Variants in PCMTD1 observed in about 807,000 individuals in gnomAD.
The protein encoded by PCMTD1 is protein-L-isoaspartate O-methyltransferase domain-containing protein 1.
A neutral mutation model predicts 37.6 loss-of-function variants in PCMTD1; 12 were observed. The ratio of observed to expected loss-of-function variants is 0.32; its 90% confidence interval spans 0.20 to 0.52. The LOEUF (loss-of-function observed/expected upper bound fraction) is 0.52. Among genes scored for constraint, PCMTD1 ranks in the 20% least tolerant of loss-of-function variants. The probability of loss-of-function intolerance (pLI) is 0.97; values close to 1 mark genes in which losing one functional copy is unlikely to be tolerated. For missense variants in PCMTD1, 235 were observed against 421.3 expected, an observed-to-expected ratio of 0.56 and a Z score of 3.87; for synonymous variants, 117 against 135.8, an observed-to-expected ratio of 0.86 and a Z score of 0.96.
Position 51,819,664 on chromosome 8 carries a change from CTT to C in PCMTD1, c.*685_*686del, listed in dbSNP as rs1344335325. On this transcript the variant is annotated 3_prime_UTR_variant, in exon 6 of 6. Coordinates refer to ENST00000522514, the MANE Select transcript of PCMTD1 (RefSeq NM_052937.4). The stretch of plus-strand genomic sequence containing the variant: ...TATAAAGAGTTGTATTAAGTATAGA[CTT>C]TGTTTTAATAATTCACTTGCTGTGC... The C allele has an allele frequency of 1.3e-5, 2 of 152,534 alleles. No homozygotes were observed. The highest frequency in any genetic ancestry group is 2.4e-5 in the African/African-American group (1 of 41,406). The allele number at this position is 152,534 out of a possible 1,614,324, so 9.4% of individuals were successfully genotyped here. A position where few individuals can be genotyped will look rare whatever the true frequency, so the allele number is the denominator to read the frequency against.
At position 51,898,944 on chromosome 8, in the gene PCMTD1, G is replaced by A; in HGVS notation, c.-110C>T. ...GGCGGCGTTACCTGTGGCGCGGGCA[G>A]CGGCGCGCAGGCCAGGCGCTAGGAC... On this transcript the variant is annotated 5_prime_UTR_variant, in exon 1 of 6. Coordinates refer to ENST00000522514, the MANE Select transcript of PCMTD1 (RefSeq NM_052937.4). 12 of 1,412,594 alleles carry A rather than the reference G, an allele frequency of 8.5e-6. No individual in the cohort carries two copies. Among genetic ancestry groups the A allele is most frequent in the Non-Finnish European group, 1.1e-5 (12 of 1,084,292 alleles). The allele number at this position is 1,412,594 out of a possible 1,614,324, so 87.5% of individuals were successfully genotyped here. A position where few individuals can be genotyped will look rare whatever the true frequency, so the allele number is the denominator to read the frequency against.
intron 1 of PCMTD1, among the ~76,000 whole-genome samples, chr8:51,873,309 T>C (rs910034655): frequency 2.0e-5 from 3 of 152,186 alleles, no homozygotes; most frequent in Non-Finnish European, 4.4e-5. Context: ...ATAAATCTTA[T>C]GCACTACTAA....
intron 1 of PCMTD1, among the ~76,000 whole-genome samples, chr8:51,881,780 T>G (rs2038796271): frequency 6.6e-6 from 1 of 152,286 alleles, no homozygotes; most frequent in South Asian, 2.1e-4. Flanking sequence ...GCCACAGAAC[T>G]TTGCTCATAT....
At position 51,848,784 on chromosome 8, in the gene PCMTD1, A is replaced by C. The variant is rs371835807; in HGVS notation, c.308-3021T>G. ...TACATGCAAAATATGCTATGCATTA[A>C]TACTGAATTGTAAACACCATTTATG... is the stretch of plus-strand genomic sequence containing the variant. On this transcript the variant is annotated intron_variant, in intron 2 of 5. Transcript: ENST00000522514. Among the ~76,000 whole-genome samples the C allele has an allele frequency of 4.3e-4, 66 of 152,334 alleles. No homozygotes were observed. In the South Asian group the frequency reaches 4.6e-3, roughly 11 times the overall value.
chr8:51,889,692 G>C (rs1384052740), intron 1 of PCMTD1, among the ~76,000 whole-genome samples: 1 of 152,182 alleles, frequency 6.6e-6, no homozygotes, highest in Non-Finnish European at 1.5e-5. Context: ...TGAAAATGTG[G>C]AAAGTATCAA....
intron 1 of PCMTD1, among the ~76,000 whole-genome samples, chr8:51,872,547 C>T (rs1318500178): frequency 6.6e-6 from 1 of 152,038 alleles, no homozygotes; most frequent in African/African-American, 2.4e-5. Context: ...TCATTAACTG[C>T]CAATAGTTCT....
chr8:51,896,985 G>A (rs996173170), intron 1 of PCMTD1, among the ~76,000 whole-genome samples: 30 of 151,260 alleles, frequency 2.0e-4, no homozygotes, highest in Non-Finnish European at 5.9e-5. Context: ...GTTGTTATGA[G>A]AAATATATGA....
At chr8:51,866,763 G>A (rs1478754289) in intron 1 of PCMTD1, among the ~76,000 whole-genome samples, 3 of 151,908 alleles carry the variant, frequency 2.0e-5, no homozygotes, top group Non-Finnish European at 4.4e-5. Flanking sequence ...GGCAACAAAA[G>A]CAAAAATGAA....
At chr8:51,835,179 A>G (rs1243617532) in intron 3 of PCMTD1, among the ~76,000 whole-genome samples, 4 of 152,182 alleles carry the variant, frequency 2.6e-5, no homozygotes, top group Admixed American at 2.6e-4. Context: ...ACCATCACAC[A>G]GTGTTTTGAA....
At chr8:51,838,754 A>G (rs1221986639) in intron 3 of PCMTD1, among the ~76,000 whole-genome samples, 1 of 152,236 alleles carries the variant, frequency 6.6e-6, no homozygotes, top group Non-Finnish European at 1.5e-5. Flanking sequence ...AACTACAAAT[A>G]CAATTTCTGT....
At chr8:51,842,601 A>G (rs2038163586) in intron 3 of PCMTD1, among the ~76,000 whole-genome samples, 1 of 151,908 alleles carries the variant, frequency 6.6e-6, no homozygotes, top group Non-Finnish European at 1.5e-5. Context: ...CTATGATTAT[A>G]GTGTCAGCCA....
chr8:51,874,317 T>C (rs1199900990), intron 1 of PCMTD1, among the ~76,000 whole-genome samples: 5 of 152,046 alleles, frequency 3.3e-5, no homozygotes, highest in East Asian at 1.9e-4. Flanking sequence ...AGTTCAGAAC[T>C]TCCCCCACCA....
intron 1 of PCMTD1, among the ~76,000 whole-genome samples, chr8:51,898,579 G>A (rs1049485555): frequency 1.1e-4 from 16 of 152,112 alleles, no homozygotes; most frequent in Non-Finnish European, 2.2e-4. Flanking sequence ...GGTCAGAGCC[G>A]AGGACGAGCC....
chr8:51,856,967 G>A (rs919458139), intron 2 of PCMTD1, among the ~76,000 whole-genome samples: 3 of 152,164 alleles, frequency 2.0e-5, no homozygotes, highest in African/African-American at 7.2e-5. Context: ...TAAACTTGAT[G>A]GTATGTGAAT....
intron 1 of PCMTD1, among the ~76,000 whole-genome samples, chr8:51,897,559 T>C (rs1269623076): frequency 5.3e-5 from 8 of 152,242 alleles, no homozygotes; most frequent in Admixed American, 4.6e-4. Flanking sequence ...TCAGCAACTT[T>C]ATGTTTTATG....
intron 1 of PCMTD1, among the ~76,000 whole-genome samples, chr8:51,865,905 T>C (rs919948155): frequency 6.6e-6 from 1 of 151,874 alleles, no homozygotes; most frequent in Non-Finnish European, 1.5e-5. Context: ...TAATCTTATA[T>C]GCAGAAAATT....
chr8:51,899,155 A>G (rs576413247), upstream of PCMTD1: 37 of 1,341,782 alleles, frequency 2.8e-5, no homozygotes, highest in East Asian at 5.5e-4. Context: ...CGCGGACGCC[A>G]AAGTCAACAA....
At position 51,819,247 on chromosome 8, in the gene PCMTD1, T is replaced by C. The variant is rs1291891528; in HGVS notation, c.*1104A>G. The stretch of plus-strand genomic sequence containing the variant: ...GGTCCCAAAGATTACACTATGATTC[T>C]GAACAGCATTTTCAAAACAAAGGGT... On this transcript the variant is annotated 3_prime_UTR_variant, in exon 6 of 6. Coordinates refer to ENST00000522514, the MANE Select transcript of PCMTD1 (RefSeq NM_052937.4). 1.3e-5 allele frequency: 2 copies of C among 152,128 alleles called. No homozygotes were observed. The highest frequency in any genetic ancestry group is 2.9e-5 in the Non-Finnish European group (2 of 68,028). 9.4% of individuals were successfully genotyped at this position (152,128 alleles called of 1,614,324 possible).
intron 1 of PCMTD1, chr8:51,896,072 A>T (rs759185927): frequency 6.6e-6 from 1 of 151,088 alleles, no homozygotes; most frequent in Non-Finnish European, 1.5e-5. Flanking sequence ...CAGCCTCCCG[A>T]GTAGCTGGGA....
Sources: allele counts gnomAD v4.1 joint callset (sites outside exome capture counted in the v4.1 genomes callset), GRCh38; gene constraint gnomAD v4.1.1; transcripts MANE v1.5; gene names NCBI Gene and HGNC (gene_info 2026-07-23, HGNC 2026-07-21).